The following TMEM132C variants were observed in gnomAD, a reference collection of about 807,000 sequenced individuals.
TMEM132C encodes transmembrane protein 132C, also known as protein phosphatase 1, regulatory subunit 152.
A neutral mutation model predicts 61.4 loss-of-function variants in TMEM132C; 29 were observed. That is an observed-to-expected ratio of 0.47 (90% confidence interval 0.35 to 0.64). TMEM132C has a LOEUF of 0.64. TMEM132C is among the 30% of genes least tolerant of loss of function. TMEM132C has a pLI of 0.00. For missense variants in TMEM132C, 1,408 were observed against 1,476.9 expected, an observed-to-expected ratio of 0.95 and a Z score of 0.76; for synonymous variants, 656 against 633.1, an observed-to-expected ratio of 1.04 and a Z score of -0.54.
At chr12:128,557,247 G>A (rs957175077) in intron 3 of TMEM132C, among the ~76,000 whole-genome samples, 6 of 152,320 alleles carry the variant, frequency 3.9e-5, no homozygotes, top group Admixed American at 3.3e-4. Flanking sequence ...CTCATTTAAG[G>A]TATTTCATGG....
intron 1 of TMEM132C, chr12:128,289,099 C>G (rs1871169231): frequency 1.3e-5 from 2 of 152,244 alleles, no homozygotes; most frequent in African/African-American, 4.8e-5. Context: ...CACATGTGTG[C>G]CCACACGTGC....
intron 2 of TMEM132C, among the ~76,000 whole-genome samples, chr12:128,498,019 T>TCAGAC (rs1275631741): frequency 1.3e-5 from 2 of 152,192 alleles, no homozygotes; most frequent in African/African-American, 2.4e-5. Flanking sequence ...AATGGATTCT[T>TCAGAC]CAGACCACTG....
intron 1 of TMEM132C, among the ~76,000 whole-genome samples, chr12:128,365,652 G>T (rs369156643): frequency 6.6e-6 from 1 of 152,168 alleles, no homozygotes; most frequent in South Asian, 2.1e-4. Flanking sequence ...TTGGAGTACC[G>T]GTTCCAGCAG....
intron 3 of TMEM132C, among the ~76,000 whole-genome samples, chr12:128,551,215 CCCCT>C (rs202199305): frequency 0.025 from 3,824 of 151,368 alleles, 244 homozygotes; most frequent in African/African-American, 0.089. Context: ...AAGAGCCCCC[CCCCT>C]CCCGCTTCCT....
intron 1 of TMEM132C, among the ~76,000 whole-genome samples, chr12:128,340,898 C>CTCTCTTTA (rs1872949946): frequency 1.6e-5 from 2 of 125,220 alleles, no homozygotes; most frequent in African/African-American, 6.9e-5. Flanking sequence ...TTCTTTCTTT[C>CTCTCTTTA]TCTCTTTCTC....
At position 128,638,867 on chromosome 12, in the gene TMEM132C, AGAG is replaced by A. The variant is rs572310952; in HGVS notation, c.1305+22536_1305+22538del. 4.7e-5 allele frequency among the ~76,000 whole-genome samples: 4 copies of A among 84,878 alleles called. 1 individual carries two copies. Among genetic ancestry groups the A allele is most frequent in the Non-Finnish European group, 5.2e-5 (2 of 38,676 alleles). The allele number at this position is 84,878 out of a possible 152,430, so 55.7% of individuals were successfully genotyped here. On this transcript the variant is annotated intron_variant, in intron 4 of 8. Transcript: ENST00000435159. ...ATGATGATGGTGATGGTGGTGATGA[AGAG>A]GAGAATGGTGATGATGGTGGTGGTG... is the stretch of plus-strand genomic sequence containing the variant.
At chr12:128,670,323 T>G (rs990277659) in intron 5 of TMEM132C, among the ~76,000 whole-genome samples, 33 of 152,280 alleles carry the variant, frequency 2.2e-4, no homozygotes, top group African/African-American at 6.0e-4. Flanking sequence ...AATATATATA[T>G]ATGTTATTAG....
chr12:128,475,125 C>T (rs1871113677), intron 2 of TMEM132C, among the ~76,000 whole-genome samples: 1 of 152,048 alleles, frequency 6.6e-6, no homozygotes, highest in South Asian at 2.1e-4. Flanking sequence ...CTCCAGGGAC[C>T]CCATTTCCAG....
intron 4 of TMEM132C, among the ~76,000 whole-genome samples, chr12:128,649,228 T>C (rs1472844995): frequency 6.6e-6 from 1 of 152,184 alleles, no homozygotes; most frequent in Non-Finnish European, 1.5e-5. Context: ...TCATGCAAAG[T>C]GCGGTGCAGG....
At chr12:128,673,998 G>A (rs6486712) in intron 5 of TMEM132C, among the ~76,000 whole-genome samples, 121,240 of 152,226 alleles carry the variant, frequency 0.8, 48,459 homozygotes, top group South Asian at 0.88. Context: ...GCTTAAAAAT[G>A]TAAGAATTGG....
At chr12:128,561,873 T>C (rs867931188) in intron 3 of TMEM132C, among the ~76,000 whole-genome samples, 1 of 152,198 alleles carries the variant, frequency 6.6e-6, no homozygotes, top group Non-Finnish European at 1.5e-5. Flanking sequence ...CTCCTGGCAC[T>C]AGAGGCTGCC....
intron 2 of TMEM132C, among the ~76,000 whole-genome samples, chr12:128,481,282 AC>A (rs1871308634): frequency 6.6e-6 from 1 of 152,126 alleles, no homozygotes; most frequent in Admixed American, 6.5e-5. Flanking sequence ...CCTTTCAACA[AC>A]CTTAACGATT....
intron 5 of TMEM132C, among the ~76,000 whole-genome samples, chr12:128,679,567 G>A (rs992011710): frequency 6.6e-6 from 1 of 152,174 alleles, no homozygotes; most frequent in African/African-American, 2.4e-5. Context: ...AGCCCTGAAA[G>A]CACATTTGGG....
chr12:128,561,889 T>G (rs573171009), intron 3 of TMEM132C, among the ~76,000 whole-genome samples: 1 of 152,232 alleles, frequency 6.6e-6, no homozygotes, highest in Admixed American at 6.5e-5. Flanking sequence ...CTGCCCTTGT[T>G]GATATGATTC....
At chr12:128,409,494 G>C (rs546027180) in intron 1 of TMEM132C, among the ~76,000 whole-genome samples, 1 of 152,072 alleles carries the variant, frequency 6.6e-6, no homozygotes, top group Admixed American at 6.5e-5. Flanking sequence ...TCATCACCAT[G>C]GGGGGAGAAA....
intron 2 of TMEM132C, among the ~76,000 whole-genome samples, chr12:128,426,030 C>T (rs760831017): frequency 6.6e-6 from 1 of 152,250 alleles, no homozygotes; most frequent in Non-Finnish European, 1.5e-5. Context: ...TGACGTGCTT[C>T]AGAGCCTGCC....
rs889240630 is a variant in TMEM132C, at chr12:128,351,547, A to C, written c.86-63185A>C. On this transcript the variant is annotated intron_variant, in intron 1 of 8. Coordinates refer to ENST00000435159, the MANE Select transcript of TMEM132C (RefSeq NM_001136103.3). ...GACAAGAAATCTATTTGGTTCATGG[A>C]TCTGCAGGCTGTACAGGAAATATGG... Among the ~76,000 whole-genome samples the C allele has an allele frequency of 4.6e-5, 7 of 152,310 alleles. No individual in the cohort carries two copies. The East Asian group carries it at 1.2e-3, about 25-fold the overall frequency.
At chr12:128,663,442 C>T (rs1216026035) in intron 4 of TMEM132C, among the ~76,000 whole-genome samples, 4 of 152,160 alleles carry the variant, frequency 2.6e-5, no homozygotes, top group African/African-American at 2.4e-5. Flanking sequence ...AATAGTCTTC[C>T]GTTGTGTGGA....
intron 3 of TMEM132C, among the ~76,000 whole-genome samples, chr12:128,574,127 G>A (rs1015347521): frequency 1.3e-5 from 2 of 152,144 alleles, no homozygotes; most frequent in African/African-American, 4.8e-5. Context: ...GCTGGGCCCT[G>A]GGCCAGAACG....
Sources: gnomAD v4.1 joint callset for allele counts (sites outside exome capture counted in the v4.1 genomes callset) on GRCh38, gnomAD v4.1.1 for gene constraint, MANE v1.5 for transcripts, NCBI Gene and HGNC (gene_info 2026-07-23, HGNC 2026-07-21) for gene names.